The following DGKB variants were observed in gnomAD, a reference collection of about 807,000 sequenced individuals.
DGKB encodes diacylglycerol kinase beta.
DGKB carries 67 observed loss-of-function variants against 114.3 expected under a neutral mutation model. The ratio of observed to expected loss-of-function variants is 0.59; its 90% confidence interval spans 0.48 to 0.72. The LOEUF (loss-of-function observed/expected upper bound fraction) is 0.72. Among genes scored for constraint, DGKB ranks in the 30% least tolerant of loss-of-function variants. The pLI, the probability that DGKB is intolerant of heterozygous loss-of-function variation, is 0.00. For missense variants in DGKB, 907 were observed against 975.2 expected (o/e 0.93, Z 0.93); for synonymous variants, 398 against 323.1 (o/e 1.23, Z -2.49).
intron 23 of DGKB, among the ~76,000 whole-genome samples, chr7:14,180,633 A>G (rs746719685): frequency 1.6e-4 from 25 of 151,992 alleles, no homozygotes; most frequent in Non-Finnish European, 3.7e-4. Context: ...ACAAAATGAA[A>G]CTCTAAATTT....
At chr7:14,916,959 C>G (rs534543192) in intron 1 of DGKB, among the ~76,000 whole-genome samples, 1 of 151,682 alleles carries the variant, frequency 6.6e-6, no homozygotes, top group Non-Finnish European at 1.5e-5. Context: ...AATGGAACTA[C>G]GCAGAAATCA....
chr7:14,337,472 A>G (rs2128572758), intron 23 of DGKB, among the ~76,000 whole-genome samples: 1 of 152,240 alleles, frequency 6.6e-6, no homozygotes, highest in South Asian at 2.1e-4. Flanking sequence ...AGAATACCTA[A>G]CACTTTCTCC....
chr7:14,247,130 C>A (rs1008676111), intron 23 of DGKB, among the ~76,000 whole-genome samples: 1 of 152,072 alleles, frequency 6.6e-6, no homozygotes, highest in Non-Finnish European at 1.5e-5. Flanking sequence ...GCACAATGTC[C>A]TCTAGGTACA....
chr7:14,446,219 C>T (rs545156069), intron 21 of DGKB, among the ~76,000 whole-genome samples: 5 of 152,202 alleles, frequency 3.3e-5, no homozygotes, highest in African/African-American at 1.2e-4. Context: ...AAGAGCCAGA[C>T]AAACTTACTG....
intron 1 of DGKB, among the ~76,000 whole-genome samples, chr7:14,887,566 CCA>C (rs1780505365): frequency 6.6e-6 from 1 of 151,710 alleles, no homozygotes; most frequent in Non-Finnish European, 1.5e-5. Flanking sequence ...CCTCATATAA[CCA>C]CTGTCTACTT....
At chr7:14,643,109 A>T (rs1398668416) in intron 13 of DGKB, among the ~76,000 whole-genome samples, 2 of 152,202 alleles carry the variant, frequency 1.3e-5, no homozygotes, top group East Asian at 3.8e-4. Context: ...CAAGAAAATG[A>T]TGAAGCCCTT....
At chr7:14,647,788 C>T (rs1051311024) in intron 13 of DGKB, among the ~76,000 whole-genome samples, 1 of 152,198 alleles carries the variant, frequency 6.6e-6, no homozygotes. Context: ...TGGTCGCGCG[C>T]ACCATGCGCG....
intron 20 of DGKB, among the ~76,000 whole-genome samples, chr7:14,551,280 T>G (rs1223033455): frequency 6.6e-6 from 1 of 152,206 alleles, no homozygotes; most frequent in Non-Finnish European, 1.5e-5. Context: ...CTTAGAAGAT[T>G]TCTACAGTTA....
At chr7:14,283,475 G>A (rs1800309452) in intron 23 of DGKB, among the ~76,000 whole-genome samples, 1 of 150,738 alleles carries the variant, frequency 6.6e-6, no homozygotes, top group African/African-American at 2.5e-5. Context: ...TCCCCATCAA[G>A]CTACCAATGC....
At chr7:14,574,448 C>T (rs764675348) in intron 19 of DGKB, 76 bp from the exon 20 acceptor site, 4 of 1,199,420 alleles carry the variant, frequency 3.3e-6, no homozygotes, top group Non-Finnish European at 4.7e-6. Context: ...TTTCAGTGTG[C>T]TTATGCATAT....
At chr7:14,212,956 G>C (rs79596034) in intron 23 of DGKB, among the ~76,000 whole-genome samples, 1 of 151,878 alleles carries the variant, frequency 6.6e-6, no homozygotes, top group East Asian at 1.9e-4. Context: ...GGCAATAATT[G>C]TCCTTTCATC....
intron 25 of DGKB, among the ~76,000 whole-genome samples, chr7:14,174,229 G>C (rs746100652): frequency 6.6e-6 from 1 of 152,138 alleles, no homozygotes; most frequent in Non-Finnish European, 1.5e-5. Flanking sequence ...GCTGGAGTCA[G>C]ACTACCTGGG....
chr7:14,538,548 T>C (rs540745302), intron 20 of DGKB, among the ~76,000 whole-genome samples: 1 of 152,250 alleles, frequency 6.6e-6, no homozygotes, highest in East Asian at 1.9e-4. Context: ...AATGAAAATG[T>C]TGCAGCCACT....
chr7:14,373,706 T>C lies in DGKB; in HGVS notation c.1836-28315A>G, dbSNP rs145238571. Among the ~76,000 whole-genome samples the C allele has an allele frequency of 1.7e-3, 256 of 152,198 alleles. 1 individual carries two copies. Among genetic ancestry groups the C allele is most frequent in the African/African-American group, 5.8e-3 (242 of 41,552 alleles). On this transcript the variant is annotated intron_variant, in intron 21 of 25. Transcript: ENST00000402815. ...TATCCATATTCTCTGACTCCTCCAA[T>C]TCAGAACAAGCAGTAGAAGAGGTAA... is the stretch of plus-strand genomic sequence containing the variant.
intron 25 of DGKB, among the ~76,000 whole-genome samples, chr7:14,159,034 T>G (rs1584120318): frequency 6.6e-6 from 1 of 152,278 alleles, no homozygotes; most frequent in South Asian, 2.1e-4. Flanking sequence ...ATTCCCCACC[T>G]AGAATGATCT....
At chr7:14,710,191 C>T (rs1180243805) in intron 6 of DGKB, among the ~76,000 whole-genome samples, 1 of 151,838 alleles carries the variant, frequency 6.6e-6, no homozygotes, top group Non-Finnish European at 1.5e-5. Context: ...TAATTTCTCT[C>T]AATAATATTT....
intron 23 of DGKB, among the ~76,000 whole-genome samples, chr7:14,335,189 T>G (rs1389219843): frequency 1.3e-5 from 2 of 152,186 alleles, no homozygotes; most frequent in Non-Finnish European, 2.9e-5. Flanking sequence ...AAGTCCCAGA[T>G]TATGTACAGC....
At position 14,145,381 on chromosome 7, in the gene DGKB, A is replaced by G. The variant is rs1271737541; in HGVS notation, c.*3750T>C. The G allele has an allele frequency of 2.0e-5, 3 of 152,128 alleles. No homozygotes were observed. Among genetic ancestry groups the G allele is most frequent in the Non-Finnish European group, 4.4e-5 (3 of 68,036 alleles). 9.4% of individuals were successfully genotyped at this position (152,128 alleles called of 1,614,324 possible). On this transcript the variant is annotated 3_prime_UTR_variant, in exon 26 of 26. Transcript: ENST00000402815. The stretch of plus-strand genomic sequence containing the variant: ...TATTTGAAAAATAACGGAGAACATG[A>G]TTCAATATTATTCAATTATTATTTA...
At chr7:14,893,100 A>G (rs1038268573) in intron 1 of DGKB, among the ~76,000 whole-genome samples, 24 of 151,306 alleles carry the variant, frequency 1.6e-4, no homozygotes, top group Admixed American at 1.5e-3. Flanking sequence ...CTCCAGAAAC[A>G]GCTCTACCTT....
Sources: allele counts gnomAD v4.1 joint callset (sites outside exome capture counted in the v4.1 genomes callset), GRCh38; gene constraint gnomAD v4.1.1; transcripts MANE v1.5; gene names NCBI Gene and HGNC (gene_info 2026-07-23, HGNC 2026-07-21).